PIH1D2: variants seen among roughly 807,000 people sequenced by gnomAD.
PIH1D2 encodes the protein PIH1 domain containing 2, also known as PIH1 domain-containing protein 2.
A neutral mutation model predicts 31.2 loss-of-function variants in PIH1D2; 25 were observed. The observed-to-expected ratio is 0.80, with a 90% CI of 0.58 to 1.12. The LOEUF is 1.12. PIH1D2 is among the 50% of genes most tolerant of loss of function. PIH1D2 has a pLI of 0.00. For synonymous variants in PIH1D2, 116 were observed against 119.9 expected (o/e 0.97, Z 0.21); for missense variants, 310 against 356.6 (o/e 0.87, Z 1.05).
the PIH1D2 span, among the ~76,000 whole-genome samples, chr11:112,054,274 C>A: frequency 6.6e-6 from 1 of 151,932 alleles, no homozygotes; most frequent in Admixed American, 6.6e-5. Context: ...TGGGATTGCA[C>A]GCGCCACTGC....
downstream of PIH1D2, chr11:112,064,268 T>A: frequency 6.8e-7 from 1 of 1,477,152 alleles, no homozygotes; most frequent in Non-Finnish European, 9.1e-7. Flanking sequence ...CATTGTTGAG[T>A]TAAAAATTAA....
At chr11:112,061,980 C>G (rs1864659677), downstream of PIH1D2, among the ~76,000 whole-genome samples, 1 of 152,152 alleles carries the variant, frequency 6.6e-6, no homozygotes, top group South Asian at 2.1e-4. Flanking sequence ...AAGGCAGCAA[C>G]TTTACTAAAT....
At chr11:112,052,495 A>T in the PIH1D2 span, among the ~76,000 whole-genome samples, 1 of 152,166 alleles carries the variant, frequency 6.6e-6, no homozygotes, top group Non-Finnish European at 1.5e-5. Context: ...TTGGGGAAAC[A>T]CTTTATGTTT....
At position 112,071,393 on chromosome 11, in the gene PIH1D2, A is replaced by G. The variant is rs1400503476; in HGVS notation, c.302-110T>C. The G allele has an allele frequency of 4.3e-6, 6 of 1,404,850 alleles. No homozygotes were observed. In the African/African-American group the frequency reaches 7.2e-5, roughly 17 times the overall value. 87.0% of individuals were successfully genotyped at this position (1,404,850 alleles called of 1,614,324 possible). On this transcript the variant is annotated intron_variant, in intron 3 of 5. Coordinates refer to ENST00000280350, the MANE Select transcript of PIH1D2 (RefSeq NM_138789.4). ...TGATAAAGCTAGAGAATATTCCTGT[A>G]TTTTTCAGAGGTAATCACAGTAGTG... is the stretch of plus-strand genomic sequence containing the variant.
chr11:112,060,891 T>C, downstream of PIH1D2: 2 of 652,950 alleles, frequency 3.1e-6, no homozygotes, highest in Non-Finnish European at 5.2e-6. Flanking sequence ...ATTGTAATGG[T>C]TGTATATCTT....
chr11:112,066,056 C>T (rs1251578501), downstream of PIH1D2, among the ~76,000 whole-genome samples: 2 of 151,990 alleles, frequency 1.3e-5, no homozygotes, highest in African/African-American at 2.4e-5. Context: ...TGTTATACAA[C>T]ATTAGTTTCT....
downstream of PIH1D2, among the ~76,000 whole-genome samples, chr11:112,060,400 T>A (rs1334529369): frequency 6.6e-6 from 1 of 151,902 alleles, no homozygotes; most frequent in East Asian, 1.9e-4. Context: ...GACCTTGTGA[T>A]CCGCCTGCCT....
chr11:112,070,547 G>A lies in PIH1D2; in HGVS notation c.702C>T (p.Ala234=). ...GATCATGCACAATTTTTAGTTCATA[G>A]GCTGGCATCTTCATCTCCACCTGGA... ...TEIQVEMKMP[A]YELKIVHDHS... The change falls in exon 5 of 6, where the codon GCC becomes GCT. Residue 234 remains alanine (A), a synonymous_variant. Coordinates refer to ENST00000280350, the MANE Select transcript of PIH1D2 (RefSeq NM_138789.4). 1 of 1,614,110 alleles carries A rather than the reference G, an allele frequency of 6.2e-7. No homozygotes were observed. Among genetic ancestry groups the A allele is most frequent in the Non-Finnish European group, 8.5e-7 (1 of 1,180,024 alleles).
chr11:112,058,086 G>A, the PIH1D2 span, among the ~76,000 whole-genome samples: 2 of 152,216 alleles, frequency 1.3e-5, no homozygotes, highest in East Asian at 3.9e-4. Context: ...TCTATACTTA[G>A]ATGAAGAAAT....
At chr11:112,064,159 T>C (rs1555183598), downstream of PIH1D2, 6 of 1,560,086 alleles carry the variant, frequency 3.8e-6, no homozygotes, top group African/African-American at 4.1e-5. Context: ...CCAAATCTGG[T>C]TCAAACATTC....
intron 2 of PIH1D2, among the ~76,000 whole-genome samples, chr11:112,072,274 G>A (rs1555184797): frequency 2.0e-5 from 3 of 152,024 alleles, no homozygotes. Context: ...GACTGGGGTG[G>A]TGGCTCACGT....
intron 5 of PIH1D2, among the ~76,000 whole-genome samples, chr11:112,069,182 T>C (rs1865036333): frequency 6.6e-6 from 1 of 151,366 alleles, no homozygotes; most frequent in South Asian, 2.1e-4. Flanking sequence ...TTTTGTATTT[T>C]AGTAGAGATA....
chr11:112,070,093 T>C (rs1865061817), intron 5 of PIH1D2: 1 of 453,490 alleles, frequency 2.2e-6, no homozygotes, highest in Admixed American at 3.7e-5. Flanking sequence ...ATAGTACGTT[T>C]ACCCTGCCAT....
rs11214073 is a variant in PIH1D2, at chr11:112,069,191, T to C, written c.814-1186A>G. Among the ~76,000 whole-genome samples, 314 of 151,346 alleles carry C rather than the reference T, an allele frequency of 2.1e-3. 1 individual carries two copies. The highest frequency in any genetic ancestry group is 7.4e-3 in the African/African-American group (305 of 41,282). On this transcript the variant is annotated intron_variant, in intron 5 of 5. Coordinates refer to ENST00000280350, the MANE Select transcript of PIH1D2 (RefSeq NM_138789.4). ...TGTTTTTTTTGTATTTTAGTAGAGATAGGGTTTCACCATGTTGCCCAGGCT... is the reference window on the plus strand; with the variant it reads ...TGTTTTTTTTGTATTTTAGTAGAGACAGGGTTTCACCATGTTGCCCAGGCT...
chr11:112,059,737 C>A (rs1184883093), downstream of PIH1D2, among the ~76,000 whole-genome samples: 1 of 152,122 alleles, frequency 6.6e-6, no homozygotes, highest in African/African-American at 2.4e-5. Flanking sequence ...GAGGGCACAG[C>A]AAAATGTAAA....
the PIH1D2 span, among the ~76,000 whole-genome samples, chr11:112,053,575 C>T: frequency 7.9e-5 from 12 of 152,206 alleles, no homozygotes; most frequent in Admixed American, 3.3e-4. Flanking sequence ...ACCTCAGCCT[C>T]CTGAGTAGCT....
At chr11:112,060,678 C>T (rs1864542111), downstream of PIH1D2, among the ~76,000 whole-genome samples, 2 of 151,920 alleles carry the variant, frequency 1.3e-5, no homozygotes, top group Non-Finnish European at 2.9e-5. Context: ...GTTGGCCAGG[C>T]TGGTTTCAAA....
At chr11:112,061,239 G>C (rs1864600802), downstream of PIH1D2, 68 of 1,582,606 alleles carry the variant, frequency 4.3e-5, no homozygotes, top group Middle Eastern at 1.7e-4. Flanking sequence ...TTGTCCTGTG[G>C]TATCCTCAGG....
chr11:112,070,875 G>A, intron 4 of PIH1D2, 163 bp downstream of exon 4: 1 of 1,212,472 alleles, frequency 8.2e-7, no homozygotes, highest in Non-Finnish European at 1.1e-6. Context: ...AATTTTTCAG[G>A]ATTTAAAAAT....
Sources: allele counts gnomAD v4.1 joint callset (sites outside exome capture counted in the v4.1 genomes callset), GRCh38; gene constraint gnomAD v4.1.1; transcripts MANE v1.5; gene names NCBI Gene and HGNC (gene_info 2026-07-23, HGNC 2026-07-21).